TMEM135: variants seen among roughly 807,000 people sequenced by gnomAD.
The protein encoded by TMEM135 is transmembrane protein 135.
In TMEM135, 30 loss-of-function variants were observed where a neutral mutation model predicts 60.3. The observed-to-expected ratio is 0.50, with a 90% CI of 0.37 to 0.68. The LOEUF (loss-of-function observed/expected upper bound fraction) is 0.68, where lower values mean the gene tolerates loss of function less well. Ranked by LOEUF, TMEM135 falls within the 30% of genes least tolerant of loss-of-function variation. TMEM135 has a pLI of 0.00. For missense variants in TMEM135, 468 were observed against 548.8 expected (o/e 0.85, Z 1.47); for synonymous variants, 190 against 186.7 (o/e 1.02, Z -0.14).
intron 5 of TMEM135, among the ~76,000 whole-genome samples, chr11:87,201,001 C>G (rs1940081774): frequency 6.6e-6 from 1 of 152,132 alleles, no homozygotes; most frequent in African/African-American, 2.4e-5. Context: ...GAATATTAAT[C>G]CATGGTATTC....
chr11:87,236,897 C>A (rs909664985), intron 6 of TMEM135, among the ~76,000 whole-genome samples: 1 of 150,816 alleles, frequency 6.6e-6, no homozygotes, highest in Non-Finnish European at 1.5e-5. Flanking sequence ...TTCTCCCCAC[C>A]CCCCATTCTA....
intron 5 of TMEM135, among the ~76,000 whole-genome samples, chr11:87,231,763 A>G (rs1940893147): frequency 6.6e-6 from 1 of 152,164 alleles, no homozygotes; most frequent in Admixed American, 6.6e-5. Flanking sequence ...TATAGTTTCA[A>G]AAAGTTAGAG....
At chr11:87,105,018 A>G (rs1857557379) in intron 4 of TMEM135, among the ~76,000 whole-genome samples, 1 of 152,118 alleles carries the variant, frequency 6.6e-6, no homozygotes, top group South Asian at 2.1e-4. Context: ...ACTGCTTTCA[A>G]CTTTTCACTG....
At chr11:87,167,417 C>T (rs1331909016) in intron 5 of TMEM135, among the ~76,000 whole-genome samples, 1 of 152,056 alleles carries the variant, frequency 6.6e-6, no homozygotes, top group African/African-American at 2.4e-5. Context: ...CAGCTTTTGC[C>T]CAGTTAGTAT....
Position 87,191,610 on chromosome 11 carries a change from A to G in TMEM135, c.462+34204A>G, listed in dbSNP as rs563858375. Among the ~76,000 whole-genome samples the G allele has an allele frequency of 1.8e-3, 274 of 152,298 alleles. 2 individuals are homozygous for G. Among genetic ancestry groups the G allele is most frequent in the African/African-American group, 6.1e-3 (255 of 41,560 alleles). On this transcript the variant is annotated intron_variant, in intron 5 of 14. Coordinates refer to ENST00000305494, the MANE Select transcript of TMEM135 (RefSeq NM_022918.4). ...AGAATTAGATTCTACTACCTTTGGAAGGAAGAAGTGAAGAATTTGTGGGAT... is the reference window on the plus strand; with the variant it reads ...AGAATTAGATTCTACTACCTTTGGAGGGAAGAAGTGAAGAATTTGTGGGAT...
chr11:87,301,614 C>T (rs1016404588), intron 7 of TMEM135, among the ~76,000 whole-genome samples: 21 of 151,938 alleles, frequency 1.4e-4, no homozygotes, highest in African/African-American at 3.9e-4. Flanking sequence ...ACTATATTTT[C>T]GGAAAGCTTG....
chr11:87,102,675 G>A (rs914493304), intron 4 of TMEM135, among the ~76,000 whole-genome samples: 20 of 143,148 alleles, frequency 1.4e-4, no homozygotes, highest in African/African-American at 4.2e-4. Context: ...GTGATGTTTT[G>A]ATATATATAT....
intron 5 of TMEM135, among the ~76,000 whole-genome samples, chr11:87,209,735 CAT>C (rs374223959): frequency 4.9e-4 from 75 of 152,212 alleles, no homozygotes; most frequent in Non-Finnish European, 1.0e-3. Context: ...AAGAACAACA[CAT>C]GTTACATACT....
At chr11:87,297,786 A>G (rs1052473796) in intron 7 of TMEM135, among the ~76,000 whole-genome samples, 2 of 152,204 alleles carry the variant, frequency 1.3e-5, no homozygotes, top group African/African-American at 4.8e-5. Context: ...ATTGTTAACT[A>G]TTGTGAATGG....
In TMEM135 at chr11:87,195,675, G is replaced by A. The variant is rs562269915; in HGVS notation, c.462+38269G>A. Among the ~76,000 whole-genome samples, 4 of 152,190 alleles carry A rather than the reference G, an allele frequency of 2.6e-5. No individual in the cohort carries two copies. In the South Asian group the frequency reaches 6.2e-4, roughly 24 times the overall value. ...TCTGCCAGCCTCCGCCTCCCAAAGC[G>A]TTGGGATTACAGGCATGAGCCACTG... On this transcript the variant is annotated intron_variant, in intron 5 of 14. Coordinates refer to ENST00000305494, the MANE Select transcript of TMEM135 (RefSeq NM_022918.4).
intron 4 of TMEM135, among the ~76,000 whole-genome samples, chr11:87,141,807 A>T (rs907754048): frequency 2.0e-5 from 3 of 152,150 alleles, no homozygotes; most frequent in Non-Finnish European, 1.5e-5. Flanking sequence ...TTAATATTTT[A>T]AAAAAGTAAA....
rs953176075 is a variant in TMEM135 at position 87,305,039 on chromosome 11, T to A, written c.699-897T>A. On this transcript the variant is annotated intron_variant, in intron 8 of 14. Coordinates refer to ENST00000305494, the MANE Select transcript of TMEM135 (RefSeq NM_022918.4). Reference sequence around the variant, plus strand: ...AGTGGTTTACAATTAAATCACAAATTAGCTACTTTTGAATTACCACATGAT... The same window carrying A: ...AGTGGTTTACAATTAAATCACAAATAAGCTACTTTTGAATTACCACATGAT... Among the ~76,000 whole-genome samples the A allele has an allele frequency of 5.3e-5, 8 of 152,210 alleles. No individual in the cohort carries two copies. The East Asian group carries it at 1.5e-3, about 29-fold the overall frequency.
intron 3 of TMEM135, among the ~76,000 whole-genome samples, chr11:87,073,267 T>C (rs977100754): frequency 2.6e-5 from 4 of 152,132 alleles, no homozygotes; most frequent in Admixed American, 1.3e-4. Flanking sequence ...TCTCCTGACC[T>C]TGTGATCCGC....
intron 3 of TMEM135, among the ~76,000 whole-genome samples, chr11:87,080,985 C>T (rs927207023): frequency 1.3e-5 from 2 of 152,146 alleles, no homozygotes; most frequent in African/African-American, 4.8e-5. Flanking sequence ...CGCGCCTGGC[C>T]TATTTTTATT....
chr11:87,133,063 C>A (rs1281182912), intron 4 of TMEM135, among the ~76,000 whole-genome samples: 1 of 152,080 alleles, frequency 6.6e-6, no homozygotes, highest in Non-Finnish European at 1.5e-5. Flanking sequence ...GCATCTATAG[C>A]GTGGATACCT....
Position 87,318,371 on chromosome 11 carries a change from TG to T in TMEM135, c.1176+137del, listed in dbSNP as rs1190592991. ...TTTAAGCTTCTTTTTTGTTTTGTTT[TG>T]TTTTTTTTTCAGCAAGATAGCTTAC... is the stretch of plus-strand genomic sequence containing the variant. On this transcript the variant is annotated intron_variant, in intron 13 of 14. Coordinates refer to ENST00000305494, the MANE Select transcript of TMEM135 (RefSeq NM_022918.4). 5.3e-5 allele frequency: 39 copies of T among 736,630 alleles called. No homozygotes were observed. In the African/African-American group the frequency reaches 6.3e-4, roughly 12 times the overall value. The allele number at this position is 736,630 out of a possible 1,614,324, so 45.6% of individuals were successfully genotyped here.
At chr11:87,198,858 A>G (rs911753379) in intron 5 of TMEM135, among the ~76,000 whole-genome samples, 3 of 152,016 alleles carry the variant, frequency 2.0e-5, no homozygotes, top group South Asian at 2.1e-4. Flanking sequence ...TCCTAGTTTT[A>G]TAAATTCAGC....
chr11:87,321,770 TA>T lies in TMEM135; in HGVS notation c.*438del, dbSNP rs1216690914. 1 of 454,850 alleles carries T rather than the reference TA, an allele frequency of 2.2e-6. No individual in the cohort carries two copies. Among genetic ancestry groups the T allele is most frequent in the South Asian group, 1.6e-5 (1 of 64,490 alleles). 28.2% of individuals were successfully genotyped at this position (454,850 alleles called of 1,614,324 possible). Reference sequence around the variant, plus strand: ...CACGGGTACATGGATTTGGTCTATATATTTTTTTAAAGTTTTGAATTGGTAT... The same window carrying T: ...CACGGGTACATGGATTTGGTCTATATTTTTTTTAAAGTTTTGAATTGGTAT... On this transcript the variant is annotated 3_prime_UTR_variant, in exon 15 of 15. Coordinates refer to ENST00000305494, the MANE Select transcript of TMEM135 (RefSeq NM_022918.4).
intron 5 of TMEM135, among the ~76,000 whole-genome samples, chr11:87,169,615 G>T (rs1019492319): frequency 6.6e-6 from 1 of 152,138 alleles, no homozygotes; most frequent in Non-Finnish European, 1.5e-5. Context: ...CTTTAAGAAT[G>T]TTGAATATTG....
Sources: gnomAD v4.1 joint callset for allele counts (sites outside exome capture counted in the v4.1 genomes callset) on GRCh38, gnomAD v4.1.1 for gene constraint, MANE v1.5 for transcripts, NCBI Gene and HGNC (gene_info 2026-07-23, HGNC 2026-07-21) for gene names.